UGGT1: variants seen among roughly 807,000 people sequenced by gnomAD.
UGGT1 encodes UDP-glucose:glycoprotein glucosyltransferase 1.
A neutral mutation model predicts 203.9 loss-of-function variants in UGGT1; 107 were observed. The ratio of observed to expected loss-of-function variants is 0.52; its 90% confidence interval spans 0.45 to 0.62. The LOEUF (loss-of-function observed/expected upper bound fraction) is 0.62. UGGT1 is among the 20% of genes least tolerant of loss of function. The probability of loss-of-function intolerance (pLI) is 0.00; values close to 1 mark genes in which losing one functional copy is unlikely to be tolerated. For missense variants in UGGT1, 1,673 were observed against 1,867.2 expected (o/e 0.90, Z 1.92); for synonymous variants, 628 against 653.5 (o/e 0.96, Z 0.59).
intron 13 of UGGT1, among the ~76,000 whole-genome samples, chr2:128,132,894 T>TG (rs1459277481): frequency 2.6e-5 from 4 of 151,974 alleles, no homozygotes; most frequent in African/African-American, 7.2e-5. Context: ...TTTGCAGAGA[T>TG]GGGGGTCTCA....
intron 6 of UGGT1, among the ~76,000 whole-genome samples, chr2:128,114,885 T>A (rs1688028680): frequency 6.6e-6 from 1 of 152,232 alleles, no homozygotes; most frequent in Admixed American, 6.5e-5. Flanking sequence ...ATCAATATTT[T>A]AATGGTAGAT....
intron 26 of UGGT1, among the ~76,000 whole-genome samples, chr2:128,167,889 A>G (rs1690874636): frequency 6.6e-6 from 1 of 152,076 alleles, no homozygotes; most frequent in Non-Finnish European, 1.5e-5. Flanking sequence ...CACCTAGAAC[A>G]CTGCTGGCTC....
intron 11 of UGGT1, among the ~76,000 whole-genome samples, chr2:128,124,849 G>C (rs990858862): frequency 2.0e-5 from 3 of 152,108 alleles, no homozygotes; most frequent in African/African-American, 7.2e-5. Context: ...TGCAAAGTCT[G>C]TTTCCTCTTA....
intron 33 of UGGT1, 42 bp from the exon 34 acceptor site, chr2:128,178,426 T>C (rs2290110): frequency 0.43 from 654,329 of 1,506,652 alleles, 144,419 homozygotes; most frequent in South Asian, 0.57. Context: ...TGTGTCTGTA[T>C]GAGTGTTTCA....
intron 38 of UGGT1, among the ~76,000 whole-genome samples, chr2:128,185,469 CTTT>C (rs766681891): frequency 1.8e-5 from 2 of 113,388 alleles, no homozygotes. Context: ...CGTGCCCGGC[CTTT>C]TTTTTTTTTT....
intron 19 of UGGT1, among the ~76,000 whole-genome samples, chr2:128,153,969 A>G (rs935992121): frequency 6.6e-6 from 1 of 152,126 alleles, no homozygotes; most frequent in South Asian, 2.1e-4. Flanking sequence ...TGAACATATC[A>G]ATCTATTTAT....
At position 128,187,156 on chromosome 2, in the gene UGGT1, T is replaced by G. The variant is rs748759; in HGVS notation, c.4477-293T>G. The G allele has an allele frequency of 6.5e-3, 2,010 of 307,224 alleles. 64 individuals are homozygous for G. The Admixed American group carries it at 0.066, about 10-fold the overall frequency. 19.0% of individuals were successfully genotyped at this position (307,224 alleles called of 1,614,324 possible). A position where few individuals can be genotyped will look rare whatever the true frequency, so the allele number is the denominator to read the frequency against. On this transcript the variant is annotated intron_variant, in intron 39 of 40. Coordinates refer to ENST00000259253, the MANE Select transcript of UGGT1 (RefSeq NM_020120.4). ...CCCTTAGCACTTAATGGGACTGTTT[T>G]CACAACTTACAATCTGCTGAGTCAC...
intron 26 of UGGT1, among the ~76,000 whole-genome samples, chr2:128,167,524 C>A (rs1690855472): frequency 6.6e-6 from 1 of 152,150 alleles, no homozygotes; most frequent in Non-Finnish European, 1.5e-5. Flanking sequence ...AGGCTTTGGA[C>A]CCACCCCAGT....
Position 128,182,250 on chromosome 2 carries a change from T to G in UGGT1, c.4204T>G (p.Tyr1402Asp), listed in dbSNP as rs1255316861. The change falls in exon 37 of 41, where the codon TAC becomes GAC. Residue 1402 changes from tyrosine to aspartate, a missense_variant. Physicochemically the swap from Tyr to Asp is radical, Grantham distance 160 (BLOSUM62 -3). This residue lies in a region of UGGT1 where 513 missense variants were observed against 684.1 expected (regional missense o/e 0.75). Transcript: ENST00000259253. ...MDGYRFWKSG[Y>D]WASHLAGRKY... ...CGGCTACAGGTTCTGGAAGTCAGGG[T>G]ACTGGGCCAGTCATTTAGCCGGGCG... The G allele has an allele frequency of 6.2e-7, 1 of 1,614,028 alleles. No individual in the cohort carries two copies. The highest frequency in any genetic ancestry group is 8.5e-7 in the Non-Finnish European group (1 of 1,179,960).
At chr2:128,115,688 TG>T (rs984959185) in intron 7 of UGGT1, among the ~76,000 whole-genome samples, 2 of 152,150 alleles carry the variant, frequency 1.3e-5, no homozygotes, top group African/African-American at 4.8e-5. Flanking sequence ...TTTCTGTACA[TG>T]GAACAGTTTA....
In UGGT1 at chr2:128,121,307, GA is replaced by G; in HGVS notation, c.1073+11del. ...TTTCCTACCAAAGCCAGGTAATGTAGAATAATGCTCTTCTCCTTAACATCAT... is the reference window on the plus strand; with the variant it reads ...TTTCCTACCAAAGCCAGGTAATGTAGATAATGCTCTTCTCCTTAACATCAT... On this transcript the variant is annotated intron_variant, in intron 10 of 40. Coordinates refer to ENST00000259253, the MANE Select transcript of UGGT1 (RefSeq NM_020120.4). 6.3e-7 allele frequency: 1 copy of G among 1,591,650 alleles called. No individual in the cohort carries two copies. The highest frequency in any genetic ancestry group is 2.2e-5 in the East Asian group (1 of 44,580).
chr2:128,160,324 C>T, intron 23 of UGGT1, 136 bp from the exon 24 acceptor site: 1 of 863,708 alleles, frequency 1.2e-6, no homozygotes, highest in South Asian at 2.1e-5. Flanking sequence ...AGAATTGACA[C>T]ATCTTAATGT....
intron 14 of UGGT1, 62 bp downstream of exon 14, chr2:128,133,322 T>C: frequency 1.3e-6 from 2 of 1,590,140 alleles, no homozygotes; most frequent in Non-Finnish European, 1.7e-6. Flanking sequence ...CCCTCTTTTT[T>C]TGTCATGTAG....
Position 128,095,983 on chromosome 2 carries a change from C to T in UGGT1, c.59-1446C>T, listed in dbSNP as rs965278327. Reference sequence around the variant, plus strand: ...AGTGCTTCCCACATATTCACACCCCCTTTTAGTTCTCATTCAAATGGGTAG... The same window carrying T: ...AGTGCTTCCCACATATTCACACCCCTTTTTAGTTCTCATTCAAATGGGTAG... On this transcript the variant is annotated intron_variant, in intron 1 of 40. Coordinates refer to ENST00000259253, the MANE Select transcript of UGGT1 (RefSeq NM_020120.4). Among the ~76,000 whole-genome samples the T allele has an allele frequency of 2.6e-5, 4 of 152,180 alleles. No homozygotes were observed. In the East Asian group the frequency reaches 7.7e-4, roughly 29 times the overall value.
rs1351227296 is a variant in UGGT1 at position 128,115,160 on chromosome 2, G to A, written c.733G>A (p.Gly245Ser). 4 of 1,613,934 alleles carry A rather than the reference G, an allele frequency of 2.5e-6. No homozygotes were observed. In the Admixed American group the frequency reaches 6.7e-5, roughly 27 times the overall value. Reference sequence around the variant, plus strand: ...GGAGCCTGTTTACCTCTCTGGCTATGGCGTGGAATTGGCCATTAAGAGCAC... The same window carrying A: ...GGAGCCTGTTTACCTCTCTGGCTATAGCGTGGAATTGGCCATTAAGAGCAC... ...RKEPVYLSGY[G>S]VELAIKSTEY... is the part of the protein sequence containing the mutation. The change falls in exon 7 of 41, where the codon GGC becomes AGC. Residue 245 changes from glycine (G) to serine (S), a missense_variant. Coordinates refer to ENST00000259253, the MANE Select transcript of UGGT1 (RefSeq NM_020120.4).
intron 19 of UGGT1, among the ~76,000 whole-genome samples, chr2:128,154,086 C>CCT (rs1690113940): frequency 6.6e-6 from 1 of 150,650 alleles, no homozygotes; most frequent in Non-Finnish European, 1.5e-5. Flanking sequence ...CACACACACA[C>CCT]TCCTATACAT....
chr2:128,122,721 G>A (rs2105395770), intron 10 of UGGT1, among the ~76,000 whole-genome samples: 1 of 152,244 alleles, frequency 6.6e-6, no homozygotes, highest in Non-Finnish European at 1.5e-5. Context: ...TCTGATGTGA[G>A]ATATTTTATA....
chr2:128,106,653 C>A (rs1336358870), intron 3 of UGGT1, among the ~76,000 whole-genome samples: 1 of 152,096 alleles, frequency 6.6e-6, no homozygotes, highest in Non-Finnish European at 1.5e-5. Context: ...CCTCTGCCTC[C>A]CGGATTCAAG....
At chr2:128,127,495 C>T (rs774809959) in intron 12 of UGGT1, 43 bp downstream of exon 12, 28 of 1,372,736 alleles carry the variant, frequency 2.0e-5, no homozygotes, top group Non-Finnish European at 2.5e-5. Flanking sequence ...TTTTGTAATG[C>T]GTAGCACCTT....
Sources: allele counts gnomAD v4.1 joint callset (sites outside exome capture counted in the v4.1 genomes callset), GRCh38; gene constraint gnomAD v4.1.1; regional missense constraint gnomAD v4.1.1; transcripts MANE v1.5; gene names NCBI Gene and HGNC (gene_info 2026-07-23, HGNC 2026-07-21).